DISC1: variants seen among roughly 807,000 people sequenced by gnomAD.
The protein encoded by DISC1 is DISC1 scaffold protein.
DISC1 carries 57 observed loss-of-function variants against 84.5 expected under a neutral mutation model. The observed-to-expected ratio is 0.67, with a 90% CI of 0.55 to 0.84. The LOEUF is 0.84. Among genes scored for constraint, DISC1 ranks in the 40% least tolerant of loss-of-function variants. The probability of loss-of-function intolerance (pLI) is 0.00; values close to 1 mark genes in which losing one functional copy is unlikely to be tolerated. For missense variants in DISC1, 1,000 were observed against 1,057.8 expected, an observed-to-expected ratio of 0.95 and a Z score of 0.76; for synonymous variants, 411 against 415.2, an observed-to-expected ratio of 0.99 and a Z score of 0.12.
At chr1:231,942,251 G>T (rs1025095712) in intron 9 of DISC1, among the ~76,000 whole-genome samples, 1 of 152,156 alleles carries the variant, frequency 6.6e-6, no homozygotes, top group African/African-American at 2.4e-5. Context: ...GGAGGTGTAG[G>T]CTCCTCCCCT....
chr1:231,833,292 A>G (rs1320178538), intron 9 of DISC1, among the ~76,000 whole-genome samples: 3 of 151,452 alleles, frequency 2.0e-5, no homozygotes, highest in African/African-American at 7.4e-5. Flanking sequence ...CTGGCCGTCA[A>G]TATCTACAAC....
chr1:231,677,540 C>T (rs2063274848), intron 1 of DISC1, among the ~76,000 whole-genome samples: 1 of 152,202 alleles, frequency 6.6e-6, no homozygotes, highest in Admixed American at 6.5e-5. Context: ...TTTTAAAGAA[C>T]AAACATTTCA....
intron 3 of DISC1, among the ~76,000 whole-genome samples, chr1:231,713,083 A>C (rs1391533842): frequency 6.6e-6 from 1 of 152,246 alleles, no homozygotes; most frequent in Non-Finnish European, 1.5e-5. Flanking sequence ...GCACAGAGCC[A>C]ATCTGCAAAG....
intron 1 of DISC1, among the ~76,000 whole-genome samples, chr1:231,687,850 G>C (rs2064487099): frequency 2.6e-5 from 4 of 152,132 alleles, no homozygotes. Flanking sequence ...TTCTTCAGGT[G>C]CATGATGGTG....
rs114010343 is a variant in DISC1, at chr1:231,814,030, T to C, written c.1793-4299T>C. 9.7e-3 allele frequency among the ~76,000 whole-genome samples: 1,474 copies of C among 152,298 alleles called. 21 individuals are homozygous for C. The highest frequency in any genetic ancestry group is 0.032 in the African/African-American group (1,340 of 41,562). ...ATAGGGTCTTTATCCAATCATGGCATTGGAAACTATGGACTTCAGTGACAG... is the reference window on the plus strand; with the variant it reads ...ATAGGGTCTTTATCCAATCATGGCACTGGAAACTATGGACTTCAGTGACAG... On this transcript the variant is annotated intron_variant, in intron 8 of 12. Transcript: ENST00000439617.
At position 231,755,867 on chromosome 1, in the gene DISC1, C is replaced by G. The variant is rs112074969; in HGVS notation, c.1268+5791C>G. Among the ~76,000 whole-genome samples, 606 of 152,330 alleles carry G rather than the reference C, an allele frequency of 4.0e-3. 3 individuals carry two copies. Among genetic ancestry groups the G allele is most frequent in the African/African-American group, 0.014 (586 of 41,574 alleles). On this transcript the variant is annotated intron_variant, in intron 4 of 12. Coordinates refer to ENST00000439617, the MANE Select transcript of DISC1 (RefSeq NM_018662.3). ...TCAGTGCCTTAGTTCTGGTCTTTAA[C>G]ACTTTAAATCTGGATTATTGCAGTG... is the stretch of plus-strand genomic sequence containing the variant.
At chr1:231,986,258 C>T (rs1664423151) in intron 10 of DISC1, among the ~76,000 whole-genome samples, 1 of 152,150 alleles carries the variant, frequency 6.6e-6, no homozygotes, top group Admixed American at 6.5e-5. Context: ...TGGGAATGGT[C>T]ATCTTTGGAT....
At position 232,008,886 on chromosome 1, in the gene DISC1, C is replaced by T; in HGVS notation, c.2144C>T (p.Ser715Phe). Residue 715 changes from serine (S) to phenylalanine (F), a missense_variant, in exon 11 of 13, where the codon TCT becomes TTT. Transcript: ENST00000439617. The part of the protein sequence containing the change: ...LQLQEARGSL[S>F]VEDERQMDDL... ...CTCCAGGAAGCCAGGGGAAGCCTGT[C>T]TGTAGAAGATGAGAGGCAGATGGAT... 3 of 1,613,796 alleles carry T rather than the reference C, an allele frequency of 1.9e-6. No homozygotes were observed. The highest frequency in any genetic ancestry group is 2.5e-6 in the Non-Finnish European group (3 of 1,179,822).
At chr1:232,023,704 A>G (rs1436647651) in intron 11 of DISC1, among the ~76,000 whole-genome samples, 1 of 152,164 alleles carries the variant, frequency 6.6e-6, no homozygotes, top group Non-Finnish European at 1.5e-5. Flanking sequence ...TAGCCGTAAG[A>G]TGAAGATTGA....
intron 9 of DISC1, among the ~76,000 whole-genome samples, chr1:231,883,036 C>T (rs955836948): frequency 4.6e-5 from 7 of 151,798 alleles, no homozygotes; most frequent in South Asian, 4.2e-4. Context: ...TGTAGACACA[C>T]GGGAGCTGCC....
chr1:231,798,444 A>G (rs1324181588), intron 7 of DISC1, among the ~76,000 whole-genome samples: 4 of 152,148 alleles, frequency 2.6e-5, no homozygotes, highest in African/African-American at 9.7e-5. Context: ...AACTGACTCA[A>G]TTATGATTAA....
At chr1:231,914,521 G>A (rs186157008) in intron 9 of DISC1, among the ~76,000 whole-genome samples, 32 of 152,280 alleles carry the variant, frequency 2.1e-4, no homozygotes, top group Admixed American at 4.6e-4. Context: ...TAGCCATTGA[G>A]GTAGCTTTTG....
intron 9 of DISC1, among the ~76,000 whole-genome samples, chr1:231,853,870 CT>C (rs1558653429): frequency 6.6e-6 from 1 of 152,218 alleles, no homozygotes; most frequent in Non-Finnish European, 1.5e-5. Flanking sequence ...TGTGGTTGAA[CT>C]TAAGTTTGGG....
intron 2 of DISC1, 152 bp from the exon 3 acceptor site, chr1:231,701,803 G>T: frequency 3.2e-6 from 2 of 630,546 alleles, no homozygotes; most frequent in Non-Finnish European, 5.1e-6. Flanking sequence ...AATGCATCTG[G>T]CATTGAAAAA....
intron 1 of DISC1, among the ~76,000 whole-genome samples, chr1:231,666,492 C>T (rs2062034026): frequency 6.6e-6 from 1 of 152,156 alleles, no homozygotes; most frequent in African/African-American, 2.4e-5. Context: ...CAATCAGTGT[C>T]AGCTAAGAAA....
chr1:231,815,087 G>A (rs2080788230), intron 8 of DISC1: 1 of 151,620 alleles, frequency 6.6e-6, no homozygotes, highest in African/African-American at 2.4e-5. Context: ...ACACAGTGGG[G>A]TTTTCTAATT....
chr1:231,701,836 T>TA lies in DISC1; in HGVS notation c.1048-114dup, dbSNP rs776626843. 1.3e-3 allele frequency: 1,088 copies of TA among 855,916 alleles called. 4 individuals carry two copies. Among genetic ancestry groups the TA allele is most frequent in the Admixed American group, 3.9e-3 (108 of 27,468 alleles). 53.0% of individuals were successfully genotyped at this position (855,916 alleles called of 1,614,324 possible). ...AAAATGTGCATTTTTGTTTTTTTTT[T>TA]AAAAAGAGAATGAAGAAGTTCAGTT... On this transcript the variant is annotated intron_variant, in intron 2 of 12. Coordinates refer to ENST00000439617, the MANE Select transcript of DISC1 (RefSeq NM_018662.3).
At chr1:231,663,968 G>A (rs1381860362) in intron 1 of DISC1, among the ~76,000 whole-genome samples, 2 of 151,914 alleles carry the variant, frequency 1.3e-5, no homozygotes, top group Non-Finnish European at 2.9e-5. Flanking sequence ...GACAGATATG[G>A]CCAAACTGTT....
Position 231,924,336 on chromosome 1 carries a change from T to C in DISC1, c.1982-34492T>C, listed in dbSNP as rs375778096. On this transcript the variant is annotated intron_variant, in intron 9 of 12. Coordinates refer to ENST00000439617, the MANE Select transcript of DISC1 (RefSeq NM_018662.3). ...ACATACAAAGGAGGCTGTGTGTTTG[T>C]TCATGATGTTGGAACCGGAAGTGGA... Among the ~76,000 whole-genome samples the C allele has an allele frequency of 3.5e-4, 54 of 152,322 alleles. No individual in the cohort carries two copies. The South Asian group carries it at 5.4e-3, about 15-fold the overall frequency.
Sources: allele counts gnomAD v4.1 joint callset (sites outside exome capture counted in the v4.1 genomes callset), GRCh38; gene constraint gnomAD v4.1.1; transcripts MANE v1.5; gene names NCBI Gene and HGNC (gene_info 2026-07-23, HGNC 2026-07-21).